PPP1R17: variants seen among roughly 807,000 people sequenced by gnomAD.
PPP1R17 encodes G-substrate.
In PPP1R17, 12 loss-of-function variants were observed where a neutral mutation model predicts 15.9. The observed-to-expected ratio is 0.75, with a 90% confidence interval of 0.48 to 1.22. The LOEUF (loss-of-function observed/expected upper bound fraction) is 1.22, where lower values mean the gene tolerates loss of function less well. PPP1R17 is among the 50% of genes most tolerant of loss of function. The probability of loss-of-function intolerance (pLI) is 0.00; values close to 1 mark genes in which losing one functional copy is unlikely to be tolerated. For missense variants in PPP1R17, 211 were observed against 187.3 expected (o/e 1.13, Z -0.74); for synonymous variants, 63 against 64.5 (o/e 0.98, Z 0.11).
At chr7:31,693,178 T>C (rs754210963) in intron 2 of PPP1R17, among the ~76,000 whole-genome samples, 3 of 152,184 alleles carry the variant, frequency 2.0e-5, no homozygotes, top group Non-Finnish European at 2.9e-5. Context: ...AGATATTTTA[T>C]GTTCAAGATT....
At chr7:31,707,120 C>T in intron 4 of PPP1R17, 84 bp from the exon 5 acceptor site, 1 of 1,259,770 alleles carries the variant, frequency 7.9e-7, no homozygotes, top group Non-Finnish European at 1.1e-6. Context: ...GGTTGCCATG[C>T]TCCTTTGTAC....
intron 3 of PPP1R17, chr7:31,695,859 G>T: frequency 3.1e-6 from 1 of 320,910 alleles, no homozygotes; most frequent in Non-Finnish European, 5.6e-6. Flanking sequence ...GTGAAACCAT[G>T]GGGTGAGGAG....
Position 31,704,474 on chromosome 7 carries a change from G to A in PPP1R17, c.389-2730G>A, listed in dbSNP as rs138930159. Among the ~76,000 whole-genome samples, 775 of 152,314 alleles carry A rather than the reference G, an allele frequency of 5.1e-3. 8 individuals carry two copies. Among genetic ancestry groups the A allele is most frequent in the African/African-American group, 0.017 (710 of 41,556 alleles). Reference sequence around the variant, plus strand: ...TTCCCTAAACTCTTCTGTATAGAGAGAGGACGAAGGGAAGGAAATGACATT... The same window carrying A: ...TTCCCTAAACTCTTCTGTATAGAGAAAGGACGAAGGGAAGGAAATGACATT... On this transcript the variant is annotated intron_variant, in intron 4 of 4. Coordinates refer to ENST00000342032, the MANE Select transcript of PPP1R17 (RefSeq NM_006658.5).
intron 4 of PPP1R17, among the ~76,000 whole-genome samples, chr7:31,701,605 C>T (rs554425795): frequency 6.6e-6 from 1 of 152,300 alleles, no homozygotes; most frequent in South Asian, 2.1e-4. Context: ...GTAAAATGCT[C>T]TCAAGCAGCA....
intron 4 of PPP1R17, among the ~76,000 whole-genome samples, chr7:31,702,501 A>T (rs987047567): frequency 1.3e-5 from 2 of 152,204 alleles, no homozygotes; most frequent in Non-Finnish European, 2.9e-5. Flanking sequence ...ACCTTTCAGT[A>T]GTCAGCCAGC....
chr7:31,703,425 C>T lies in PPP1R17; in HGVS notation c.389-3779C>T, dbSNP rs149065272. Among the ~76,000 whole-genome samples the T allele has an allele frequency of 2.0e-3, 305 of 152,242 alleles. 2 individuals carry two copies. The highest frequency in any genetic ancestry group is 7.3e-3 in the South Asian group (35 of 4,822). On this transcript the variant is annotated intron_variant, in intron 4 of 4. Coordinates refer to ENST00000342032, the MANE Select transcript of PPP1R17 (RefSeq NM_006658.5). Reference sequence around the variant, plus strand: ...CAAAAATGTTTATCAAACAACACAGCGTAAACAAGAGTTGGGGTGGGAAGG... The same window carrying T: ...CAAAAATGTTTATCAAACAACACAGTGTAAACAAGAGTTGGGGTGGGAAGG...
intron 4 of PPP1R17, among the ~76,000 whole-genome samples, chr7:31,700,583 GT>G: frequency 6.6e-6 from 1 of 152,310 alleles, no homozygotes; most frequent in South Asian, 2.1e-4. Flanking sequence ...CTAAACAATA[GT>G]TTCTTAATGT....
At chr7:31,694,663 G>C (rs1433599770) in intron 2 of PPP1R17, among the ~76,000 whole-genome samples, 1 of 152,130 alleles carries the variant, frequency 6.6e-6, no homozygotes, top group Non-Finnish European at 1.5e-5. Flanking sequence ...AACCATTATG[G>C]AAGAGTGAAC....
rs550189867 is a variant in PPP1R17 at position 31,705,986 on chromosome 7, A to ATTTTTTTTTTTTTT, written c.389-1195_389-1182dup. On this transcript the variant is annotated intron_variant, in intron 4 of 4. Transcript: ENST00000342032. ...GACTTCTGAATTTCACAGACCAGTA[A>ATTTTTTTTTTTTTT]TTTTTTTTTTTTTTTTTTTTTTTTT... Among the ~76,000 whole-genome samples the ATTTTTTTTTTTTTT allele has an allele frequency of 5.7e-4, 30 of 52,514 alleles. 1 individual carries two copies. The highest frequency in any genetic ancestry group is 1.8e-3 in the African/African-American group (24 of 13,282). The allele number at this position is 52,514 out of a possible 152,430, so 34.5% of individuals were successfully genotyped here.
chr7:31,706,709 A>G (rs1793084270), intron 4 of PPP1R17, among the ~76,000 whole-genome samples: 1 of 152,228 alleles, frequency 6.6e-6, no homozygotes, highest in Non-Finnish European at 1.5e-5. Context: ...CAAATATTGA[A>G]AGGACAGGAA....
Position 31,707,251 on chromosome 7 carries a change from G to A in PPP1R17, c.436G>A (p.Asp146Asn), listed in dbSNP as rs746579484. 4.3e-6 allele frequency: 7 copies of A among 1,613,922 alleles called. No individual in the cohort carries two copies. The highest frequency in any genetic ancestry group is 1.3e-5 in the African/African-American group (1 of 74,922). ...DERPKAIVED[D>N]EKDGDKIAI ...GAGACCCAAAGCAATCGTGGAAGAT[G>A]ACGAAAAGGATGGTGACAAGATAGC... The change falls in exon 5 of 5, where the codon GAC becomes AAC. Residue 146 changes from aspartate (D) to asparagine (N), a missense_variant. By Grantham distance (23) the Asp-to-Asn change is conservative. Coordinates refer to ENST00000342032, the MANE Select transcript of PPP1R17 (RefSeq NM_006658.5).
At position 31,708,070 on chromosome 7, in the gene PPP1R17, T is replaced by C. The variant is rs1409258450; in HGVS notation, c.*787T>C. On this transcript the variant is annotated 3_prime_UTR_variant, in exon 5 of 5. Coordinates refer to ENST00000342032, the MANE Select transcript of PPP1R17 (RefSeq NM_006658.5). Reference sequence around the variant, plus strand: ...ATCAATGTTTGTGATGAATTTACTGTAAAAAAATTAAGGTCAATGAAAGCC... The same window carrying C: ...ATCAATGTTTGTGATGAATTTACTGCAAAAAAATTAAGGTCAATGAAAGCC... 2 of 152,226 alleles carry C rather than the reference T, an allele frequency of 1.3e-5. No individual in the cohort carries two copies. Among genetic ancestry groups the C allele is most frequent in the East Asian group, 3.8e-4 (2 of 5,198 alleles). The allele number at this position is 152,226 out of a possible 1,614,324, so 9.4% of individuals were successfully genotyped here.
At chr7:31,690,748 A>C (rs2128237886) in intron 1 of PPP1R17, among the ~76,000 whole-genome samples, 3 of 152,310 alleles carry the variant, frequency 2.0e-5, no homozygotes, top group Admixed American at 2.0e-4. Context: ...TACTAACAGC[A>C]GATAGGACCT....
chr7:31,702,870 TG>T (rs1357897571), intron 4 of PPP1R17, among the ~76,000 whole-genome samples: 1 of 152,196 alleles, frequency 6.6e-6, no homozygotes, highest in Non-Finnish European at 1.5e-5. Flanking sequence ...TGTTCGTGCT[TG>T]TATCTGTTTT....
chr7:31,694,387 A>AACACACACACACAC (rs533091870), intron 2 of PPP1R17, among the ~76,000 whole-genome samples: 8,758 of 141,524 alleles, frequency 0.062, 325 homozygotes, highest in East Asian at 0.087. Flanking sequence ...CTCTCTCTCA[A>AACACACACACACAC]ACACACACAC....
At chr7:31,701,590 T>C (rs1260492118) in intron 4 of PPP1R17, among the ~76,000 whole-genome samples, 1 of 152,226 alleles carries the variant, frequency 6.6e-6, no homozygotes, top group Non-Finnish European at 1.5e-5. Context: ...AAAGTTCTGC[T>C]GTGAGTAAAA....
At chr7:31,695,002 T>G (rs933065525) in intron 2 of PPP1R17, among the ~76,000 whole-genome samples, 11 of 152,234 alleles carry the variant, frequency 7.2e-5, no homozygotes, top group African/African-American at 2.6e-4. Context: ...GGCACAATGA[T>G]GAAGGCAAGT....
At chr7:31,697,515 A>G (rs1371799617) in intron 4 of PPP1R17, among the ~76,000 whole-genome samples, 1 of 152,200 alleles carries the variant, frequency 6.6e-6, no homozygotes, top group African/African-American at 2.4e-5. Context: ...AGAGACAGAA[A>G]AAGAGATGCA....
At position 31,691,718 on chromosome 7, in the gene PPP1R17, A is replaced by ACCATGTT. The variant is rs568288685; in HGVS notation, c.-36-687_-36-681dup. ...CTATCCAAAACCCAGATTTTCTCCT[A>ACCATGTT]CCATGTTTCTACCACCATCATAATG... On this transcript the variant is annotated intron_variant, in intron 1 of 4. Coordinates refer to ENST00000342032, the MANE Select transcript of PPP1R17 (RefSeq NM_006658.5). Among the ~76,000 whole-genome samples, 1,098 of 149,030 alleles carry ACCATGTT rather than the reference A, an allele frequency of 7.4e-3. 14 individuals carry two copies. The highest frequency in any genetic ancestry group is 0.012 in the Non-Finnish European group (828 of 67,484).
Sources: allele counts gnomAD v4.1 joint callset (sites outside exome capture counted in the v4.1 genomes callset), GRCh38; gene constraint gnomAD v4.1.1; transcripts MANE v1.5; gene names NCBI Gene and HGNC (gene_info 2026-07-23, HGNC 2026-07-21).